The following ZBTB8B variants were observed in gnomAD, a reference collection of about 807,000 sequenced individuals.
The protein encoded by ZBTB8B is zinc finger and BTB domain containing 8B, also known as zinc finger and BTB domain-containing protein 8B.
Under a neutral mutation model 30.3 loss-of-function variants are expected in ZBTB8B, and 17 were observed. That is an observed-to-expected ratio of 0.56 (90% CI 0.38 to 0.84). The LOEUF (loss-of-function observed/expected upper bound fraction) is 0.84. Among genes scored for constraint, ZBTB8B ranks in the 40% least tolerant of loss-of-function variants. The probability of loss-of-function intolerance (pLI) is 0.00; values close to 1 mark genes in which losing one functional copy is unlikely to be tolerated. For synonymous variants in ZBTB8B, 248 were observed against 255.6 expected (o/e 0.97, Z 0.28); for missense variants, 515 against 644.9 (o/e 0.80, Z 2.18).
chr1:32,469,957 T>C (rs1333768201), intron 1 of ZBTB8B, among the ~76,000 whole-genome samples: 4 of 152,068 alleles, frequency 2.6e-5, no homozygotes, highest in Non-Finnish European at 5.9e-5. Flanking sequence ...CACAATCTTG[T>C]TTCACGCAGC....
rs1336416014 is a variant in ZBTB8B, at chr1:32,484,595, C to T, written c.1171-506C>T. On this transcript the variant is annotated intron_variant, in intron 3 of 3. Transcript: ENST00000609129. This position sits in a 1 kb window ranked among gnomAD's most constrained non-coding sequence, Gnocchi z 4.5. ...CTCAAATCTCATGTTGAAATGTAAT[C>T]CCTAATGCTGGAAGTGGGGCCTGGT... 2.0e-5 allele frequency among the ~76,000 whole-genome samples: 3 copies of T among 152,076 alleles called. No individual in the cohort carries two copies. The highest frequency in any genetic ancestry group is 7.2e-5 in the African/African-American group (3 of 41,384).
At chr1:32,475,251 A>G (rs920717626) in intron 2 of ZBTB8B, among the ~76,000 whole-genome samples, 4 of 152,244 alleles carry the variant, frequency 2.6e-5, no homozygotes, top group African/African-American at 9.6e-5. Flanking sequence ...ACATGGATGC[A>G]GCCCTCAAAG....
chr1:32,473,229 C>T (rs1312145694), intron 2 of ZBTB8B, among the ~76,000 whole-genome samples: 1 of 152,098 alleles, frequency 6.6e-6, no homozygotes, highest in East Asian at 1.9e-4. Context: ...TAGCTTGAAC[C>T]TAGGAGGCGG....
At chr1:32,472,432 A>G (rs1301351710) in intron 2 of ZBTB8B, among the ~76,000 whole-genome samples, 1 of 152,182 alleles carries the variant, frequency 6.6e-6, no homozygotes, top group South Asian at 2.1e-4. Context: ...CTCACATATC[A>G]TCTTAGATTT....
At position 32,485,391 on chromosome 1, in the gene ZBTB8B, C is replaced by T. The variant is rs768957654; in HGVS notation, c.1461C>T (p.Asn487=). 6.4e-7 allele frequency: 1 copy of T among 1,551,836 alleles called. No homozygotes were observed. Among genetic ancestry groups the T allele is most frequent in the Non-Finnish European group, 8.7e-7 (1 of 1,146,852 alleles). ...DSDDKPQIQP[N]LSDRETLT ...ATGACAAACCACAAATTCAGCCTAA[C>T]TTATCAGACCGAGAGACACTTACGT... The change falls in exon 4 of 4, where the codon AAC becomes AAT. Residue 487 remains asparagine (N), a synonymous_variant. Transcript: ENST00000609129.
intron 2 of ZBTB8B, 54 bp downstream of exon 2, chr1:32,471,669 G>A: frequency 1.3e-6 from 2 of 1,496,974 alleles, no homozygotes; most frequent in Admixed American, 2.2e-5. Context: ...CACACTGTCT[G>A]TGCCTTGTGT....
chr1:32,467,329 G>A (rs867621990), intron 1 of ZBTB8B, among the ~76,000 whole-genome samples: 4 of 146,016 alleles, frequency 2.7e-5, no homozygotes, highest in Non-Finnish European at 6.0e-5. Flanking sequence ...TGCAGCCTCC[G>A]CCTCCACCGC....
rs57001984 is a variant in ZBTB8B at position 32,474,343 on chromosome 1, CAAAAAAAAAAAAAAAAAAAAAAA to C, written c.991+2745_991+2767del. Among the ~76,000 whole-genome samples, 193 of 39,182 alleles carry C rather than the reference CAAAAAAAAAAAAAAAAAAAAAAA, an allele frequency of 4.9e-3. 1 individual carries two copies. The highest frequency in any genetic ancestry group is 0.014 in the Admixed American group (35 of 2,592). 25.7% of individuals were successfully genotyped at this position (39,182 alleles called of 152,430 possible). A position where few individuals can be genotyped will look rare whatever the true frequency, so the allele number is the denominator to read the frequency against. On this transcript the variant is annotated intron_variant, in intron 2 of 3. Coordinates refer to ENST00000609129, the MANE Select transcript of ZBTB8B (RefSeq NM_001145720.2). ...GCAAGATGGCAAAACCCCATCTCTA[CAAAAAAAAAAAAAAAAAAAAAAA>C]AAAAAAAAAAAAAAAATTGAAAAAT...
chr1:32,485,088 C>T lies in ZBTB8B; in HGVS notation c.1171-13C>T, dbSNP rs1474853395. 6.5e-6 allele frequency: 10 copies of T among 1,550,186 alleles called. No homozygotes were observed. The South Asian group carries it at 1.1e-4, about 17-fold the overall frequency. ...TTTTCTGTGACATCTACTGTGTCTGCTTGTGATTACAGGTCCACAGATCCA... is the reference window on the plus strand; with the variant it reads ...TTTTCTGTGACATCTACTGTGTCTGTTTGTGATTACAGGTCCACAGATCCA... On this transcript the variant is annotated splice_polypyrimidine_tract_variant and intron_variant, in intron 3 of 3. Transcript: ENST00000609129.
At chr1:32,466,419 G>C (rs1235287495) in intron 1 of ZBTB8B, among the ~76,000 whole-genome samples, 2 of 152,140 alleles carry the variant, frequency 1.3e-5, no homozygotes, top group Non-Finnish European at 2.9e-5. Context: ...TGGAACCGTG[G>C]GATGGTTGGG....
Position 32,485,305 on chromosome 1 carries a change from A to T in ZBTB8B, c.1375A>T (p.Asn459Tyr). 1 of 1,552,284 alleles carries T rather than the reference A, an allele frequency of 6.4e-7. No homozygotes were observed. Among genetic ancestry groups the T allele is most frequent in the African/African-American group, 1.4e-5 (1 of 73,162 alleles). ...SESQEKSDTD[N>Y]DWPIYVESGE... ...AAGCCAAGAAAAGAGCGACACAGACAATGACTGGCCAATCTATGTGGAGTC... is the reference window on the plus strand; with the variant it reads ...AAGCCAAGAAAAGAGCGACACAGACTATGACTGGCCAATCTATGTGGAGTC... The change falls in exon 4 of 4, where the codon AAT becomes TAT. Residue 459 changes from asparagine (N) to tyrosine (Y), a missense_variant. Coordinates refer to ENST00000609129, the MANE Select transcript of ZBTB8B (RefSeq NM_001145720.2).
rs530769641 is a variant in ZBTB8B at position 32,484,293 on chromosome 1, G to A, written c.1171-808G>A. Among the ~76,000 whole-genome samples the A allele has an allele frequency of 2.6e-5, 4 of 152,086 alleles. No homozygotes were observed. The highest frequency in any genetic ancestry group is 4.8e-5 in the African/African-American group (2 of 41,484). The stretch of plus-strand genomic sequence containing the variant: ...AAGCACTAGGGATATAGTAAGGAAT[G>A]GGACAGACTCTGTCCCTGCCCTCTT... On this transcript the variant is annotated intron_variant, in intron 3 of 3. Coordinates refer to ENST00000609129, the MANE Select transcript of ZBTB8B (RefSeq NM_001145720.2). This position sits in a 1 kb window ranked among gnomAD's most constrained non-coding sequence, Gnocchi z 4.5.
chr1:32,483,998 A>G (rs924446413), intron 3 of ZBTB8B, among the ~76,000 whole-genome samples: 2 of 152,130 alleles, frequency 1.3e-5, no homozygotes, highest in African/African-American at 4.8e-5. Context: ...TTAGGCCAGG[A>G]GTTCAAGACC....
Position 32,471,496 on chromosome 1 carries a change from C to T in ZBTB8B, c.872C>T (p.Pro291Leu), listed in dbSNP as rs764904535. Residue 291 changes from proline to leucine, a missense_variant, in exon 2 of 4, where the codon CCG (proline) becomes CTG (leucine). Pro to Leu is a moderately conservative substitution (Grantham distance 98). Around this residue, in one of 3 missense-constraint regions of ZBTB8B, gnomAD observed 429 missense variants for 504.3 expected, o/e 0.85. Coordinates refer to ENST00000609129, the MANE Select transcript of ZBTB8B (RefSeq NM_001145720.2). ...LEALLRNSAA[P>L]SKDDADHHFS... ...GCGCTCTTGCGCAACAGCGCTGCCC[C>T]GAGCAAGGATGATGCAGACCATCAC... The T allele has an allele frequency of 3.2e-6, 5 of 1,551,682 alleles. No homozygotes were observed. In the African/African-American group the frequency reaches 5.5e-5, roughly 17 times the overall value.
chr1:32,472,679 T>C (rs1643633167), intron 2 of ZBTB8B, among the ~76,000 whole-genome samples: 1 of 152,014 alleles, frequency 6.6e-6, no homozygotes, highest in African/African-American at 2.4e-5. Flanking sequence ...AACGGTGTGA[T>C]CTCGGCTCAC....
At position 32,488,453 on chromosome 1, in the gene ZBTB8B, T is replaced by C. The variant is rs1238352602; in HGVS notation, c.*3035T>C. 2 of 152,222 alleles carry C rather than the reference T, an allele frequency of 1.3e-5. No homozygotes were observed. Among genetic ancestry groups the C allele is most frequent in the African/African-American group, 4.8e-5 (2 of 41,460 alleles). 9.4% of individuals were successfully genotyped at this position (152,222 alleles called of 1,614,324 possible). On this transcript the variant is annotated 3_prime_UTR_variant, in exon 4 of 4. Coordinates refer to ENST00000609129, the MANE Select transcript of ZBTB8B (RefSeq NM_001145720.2). ...GTGGAGCTATGATCCTCTTCAGTGATTCCGTGACCTCTTCATATCCCTGGG... is the reference window on the plus strand; with the variant it reads ...GTGGAGCTATGATCCTCTTCAGTGACTCCGTGACCTCTTCATATCCCTGGG...
intron 1 of ZBTB8B, among the ~76,000 whole-genome samples, chr1:32,468,119 T>G (rs1028418593): frequency 1.3e-5 from 2 of 151,306 alleles, no homozygotes; most frequent in African/African-American, 4.9e-5. Context: ...CCATCCCCCA[T>G]CTCAAAAAAT....
In ZBTB8B at chr1:32,471,023, TGTGGCTGCAGCA is replaced by T; in HGVS notation, c.405_416del (p.Val138_Ala141del). On this transcript the variant is annotated inframe_deletion, in exon 2 of 4. Transcript: ENST00000609129. ...GCCGAAAGATGGAGAAGGAGGCTGC[TGTGGCTGCAGCA>T]GTGGCGGCGGCAGCGGCGGCGGCTG... 2 of 1,551,666 alleles carry T rather than the reference TGTGGCTGCAGCA, an allele frequency of 1.3e-6. No individual in the cohort carries two copies. Among genetic ancestry groups the T allele is most frequent in the Non-Finnish European group, 1.7e-6 (2 of 1,146,946 alleles).
At position 32,484,823 on chromosome 1, in the gene ZBTB8B, G is replaced by A. The variant is rs1473062583; in HGVS notation, c.1171-278G>A. Among the ~76,000 whole-genome samples, 3 of 151,966 alleles carry A rather than the reference G, an allele frequency of 2.0e-5. No individual in the cohort carries two copies. Among genetic ancestry groups the A allele is most frequent in the African/African-American group, 7.3e-5 (3 of 41,334 alleles). On this transcript the variant is annotated intron_variant, in intron 3 of 3. Transcript: ENST00000609129. The surrounding 1 kb of genome is among the most constrained non-coding windows in gnomAD (Gnocchi z 4.5). ...CTGCCACAATTGTAAGTTTCCTGAGGCCTCCCTAGAAGCCAAGCAGATGCC... is the reference window on the plus strand; with the variant it reads ...CTGCCACAATTGTAAGTTTCCTGAGACCTCCCTAGAAGCCAAGCAGATGCC...
Sources: allele counts gnomAD v4.1 joint callset (sites outside exome capture counted in the v4.1 genomes callset), GRCh38; gene constraint gnomAD v4.1.1; regional missense constraint gnomAD v4.1.1; non-coding constraint Gnocchi (gnomAD v3.1); transcripts MANE v1.5; gene names NCBI Gene and HGNC (gene_info 2026-07-23, HGNC 2026-07-21).